CAMTA1: variants seen among roughly 807,000 people sequenced by gnomAD.
CAMTA1 encodes the protein calmodulin binding transcription activator 1, also known as calmodulin-binding transcription activator 1.
Under a neutral mutation model 170.9 loss-of-function variants are expected in CAMTA1, and 27 were observed. The observed-to-expected ratio is 0.16, with a 90% CI of 0.12 to 0.22. The LOEUF (loss-of-function observed/expected upper bound fraction) is 0.22. Among genes scored for constraint, CAMTA1 ranks in the 10% least tolerant of loss-of-function variants. The pLI, the probability that CAMTA1 is intolerant of heterozygous loss-of-function variation, is 1.00. For synonymous variants in CAMTA1, 833 were observed against 891.5 expected (o/e 0.93, Z 1.17); for missense variants, 1,619 against 2,217.2 (o/e 0.73, Z 5.42).
At chr1:7,188,443 C>T (rs1653884152) in intron 4 of CAMTA1, among the ~76,000 whole-genome samples, 1 of 152,198 alleles carries the variant, frequency 6.6e-6, no homozygotes, top group South Asian at 2.1e-4. Context: ...CAAACTGAAA[C>T]TCTGTACCCA....
chr1:7,235,562 G>A (rs1487775867), intron 4 of CAMTA1, among the ~76,000 whole-genome samples: 1 of 152,222 alleles, frequency 6.6e-6, no homozygotes, highest in Non-Finnish European at 1.5e-5. Context: ...AAGAGGCGGA[G>A]GTTGCAGTGA....
intron 3 of CAMTA1, among the ~76,000 whole-genome samples, chr1:7,047,991 CT>C (rs1404995944): frequency 3.9e-5 from 6 of 152,118 alleles, no homozygotes; most frequent in Non-Finnish European, 8.8e-5. Flanking sequence ...ACCCTACCCC[CT>C]AGCTGATTCC....
In CAMTA1 at chr1:7,272,555, C is replaced by G. The variant is rs551785193; in HGVS notation, c.438+22929C>G. On this transcript the variant is annotated intron_variant, in intron 5 of 22. Transcript: ENST00000303635. ...TTGGCATAAGAATAGACGTATAAAT[C>G]AATGGAATAAAATTGAGAGTCCAGG... Among the ~76,000 whole-genome samples, 132 of 151,780 alleles carry G rather than the reference C, an allele frequency of 8.7e-4. 1 individual carries two copies. Among genetic ancestry groups the G allele is most frequent in the African/African-American group, 3.0e-3 (123 of 41,444 alleles).
chr1:7,289,946 T>C (rs58770815), intron 5 of CAMTA1, among the ~76,000 whole-genome samples: 11,467 of 152,230 alleles, frequency 0.075, 586 homozygotes, highest in East Asian at 0.13. Flanking sequence ...AACACCTTAA[T>C]CTCTGCCAAG....
At chr1:7,627,332 C>A (rs185872615) in intron 6 of CAMTA1, among the ~76,000 whole-genome samples, 1 of 152,276 alleles carries the variant, frequency 6.6e-6, no homozygotes, top group African/African-American at 2.4e-5. Context: ...CCCAAATAAG[C>A]AATATCTGAA....
chr1:7,754,035 T>C lies in CAMTA1; in HGVS notation c.4958+1502T>C, dbSNP rs76507316. 9.3e-3 allele frequency among the ~76,000 whole-genome samples: 1,417 copies of C among 152,324 alleles called. 24 individuals are homozygous for C. The highest frequency in any genetic ancestry group is 0.032 in the African/African-American group (1,332 of 41,558). On this transcript the variant is annotated intron_variant, in intron 21 of 22. Coordinates refer to ENST00000303635, the MANE Select transcript of CAMTA1 (RefSeq NM_015215.4). Reference sequence around the variant, plus strand: ...ACTTAGGACCAAAGAGAGTAGCTGATTTTCTTTATATGGTGAACAGATCAA... The same window carrying C: ...ACTTAGGACCAAAGAGAGTAGCTGACTTTCTTTATATGGTGAACAGATCAA...
intron 6 of CAMTA1, among the ~76,000 whole-genome samples, chr1:7,573,334 A>T (rs1360938237): frequency 1.3e-5 from 2 of 152,178 alleles, no homozygotes; most frequent in Admixed American, 6.5e-5. Flanking sequence ...GGGTCAAAGA[A>T]ACTGAGGCTT....
chr1:7,253,957 TA>T (rs1170951267), intron 5 of CAMTA1, among the ~76,000 whole-genome samples: 1 of 151,916 alleles, frequency 6.6e-6, no homozygotes, highest in East Asian at 1.9e-4. Context: ...ATGGGGAGAC[TA>T]AAAAAATCAA....
chr1:7,450,805 CA>C (rs994768552), intron 5 of CAMTA1, among the ~76,000 whole-genome samples: 84 of 152,346 alleles, frequency 5.5e-4, no homozygotes, highest in Non-Finnish European at 1.1e-3. Context: ...GGACCCATCA[CA>C]AGGCAGATAA....
chr1:7,328,532 A>G (rs1300873288), intron 5 of CAMTA1, among the ~76,000 whole-genome samples: 1 of 152,068 alleles, frequency 6.6e-6, no homozygotes, highest in Non-Finnish European at 1.5e-5. Context: ...AAATTATCAG[A>G]CAAACTCAGT....
At chr1:7,498,369 G>C (rs1017715554) in intron 6 of CAMTA1, among the ~76,000 whole-genome samples, 1 of 151,406 alleles carries the variant, frequency 6.6e-6, no homozygotes, top group Non-Finnish European at 1.5e-5. Context: ...GTGTGGATGT[G>C]TGTGTATGAG....
At chr1:7,662,610 T>C (rs1231339268) in intron 8 of CAMTA1, among the ~76,000 whole-genome samples, 2 of 152,212 alleles carry the variant, frequency 1.3e-5, no homozygotes, top group Non-Finnish European at 2.9e-5. Context: ...CTGGAGGAGC[T>C]GCCAGGGAGG....
chr1:6,925,027 A>G (rs1682821819), intron 3 of CAMTA1, among the ~76,000 whole-genome samples: 1 of 152,216 alleles, frequency 6.6e-6, no homozygotes, highest in African/African-American at 2.4e-5. Flanking sequence ...TGTGCTGACA[A>G]CTTTATCTGG....
chr1:6,868,318 T>TAA (rs983806726), intron 3 of CAMTA1, among the ~76,000 whole-genome samples: 2 of 134,122 alleles, frequency 1.5e-5, no homozygotes, highest in South Asian at 2.6e-4. Flanking sequence ...TTTTTTTTTT[T>TAA]AAAAACAAAA....
At chr1:7,371,111 C>A (rs1414759876) in intron 5 of CAMTA1, among the ~76,000 whole-genome samples, 1 of 151,976 alleles carries the variant, frequency 6.6e-6, no homozygotes, top group African/African-American at 2.4e-5. Context: ...CAGGGTTTCA[C>A]CGTGTTATCC....
At position 7,633,707 on chromosome 1, in the gene CAMTA1, G is replaced by T. The variant is rs2095688153; in HGVS notation, c.511-6693G>T. ...CCCCCGGTTTTCAGTAAGTAGGATGGAGCCCCTGCCATGTGGCTGCCCCGC... is the reference window on the plus strand; with the variant it reads ...CCCCCGGTTTTCAGTAAGTAGGATGTAGCCCCTGCCATGTGGCTGCCCCGC... On this transcript the variant is annotated intron_variant, in intron 6 of 22. Transcript: ENST00000303635. The surrounding 1 kb of genome is among the most constrained non-coding windows in gnomAD (Gnocchi z 4.1). Among the ~76,000 whole-genome samples the T allele has an allele frequency of 6.6e-6, 1 of 152,224 alleles. No individual in the cohort carries two copies. The highest frequency in any genetic ancestry group is 6.5e-5 in the Admixed American group (1 of 15,290).
chr1:7,245,341 A>G (rs1665595738), intron 4 of CAMTA1, among the ~76,000 whole-genome samples: 1 of 151,324 alleles, frequency 6.6e-6, no homozygotes. Context: ...TATATAATAT[A>G]TATTATACAG....
intron 4 of CAMTA1, among the ~76,000 whole-genome samples, chr1:7,189,206 A>G (rs549382347): frequency 1.8e-4 from 28 of 152,376 alleles, no homozygotes; most frequent in African/African-American, 6.5e-4. Context: ...GAAACACTGT[A>G]GAAAGCCTAA....
chr1:7,298,223 G>A (rs777770915), intron 5 of CAMTA1, among the ~76,000 whole-genome samples: 5 of 152,122 alleles, frequency 3.3e-5, no homozygotes, highest in African/African-American at 4.8e-5. Flanking sequence ...CTTCCTGTGC[G>A]GGGTGTAGGA....
Sources: gnomAD v4.1 joint callset for allele counts (sites outside exome capture counted in the v4.1 genomes callset) on GRCh38, gnomAD v4.1.1 for gene constraint, Gnocchi (gnomAD v3.1) non-coding constraint, MANE v1.5 for transcripts, NCBI Gene and HGNC (gene_info 2026-07-23, HGNC 2026-07-21) for gene names.